The following XPO7 variants were observed in gnomAD, a reference collection of about 807,000 sequenced individuals.
XPO7 encodes exportin-7.
Under a neutral mutation model 144.3 loss-of-function variants are expected in XPO7, and 21 were observed. That is an observed-to-expected ratio of 0.15 (90% CI 0.10 to 0.21). XPO7 has a LOEUF of 0.21. XPO7 is among the 10% of genes least tolerant of loss of function. The probability of loss-of-function intolerance (pLI) is 1.00; values close to 1 mark genes in which losing one functional copy is unlikely to be tolerated. For synonymous variants in XPO7, 580 were observed against 499.6 expected (o/e 1.16, Z -2.15); for missense variants, 808 against 1,325.8 (o/e 0.61, Z 6.06).
intron 1 of XPO7, among the ~76,000 whole-genome samples, chr8:21,958,620 A>C (rs1585440864): frequency 6.6e-6 from 1 of 152,048 alleles, no homozygotes; most frequent in Non-Finnish European, 1.5e-5. Flanking sequence ...GAAAAAAAAA[A>C]AACCCGTAAA....
chr8:21,946,591 A>C (rs1454134350), intron 1 of XPO7, among the ~76,000 whole-genome samples: 1 of 150,648 alleles, frequency 6.6e-6, no homozygotes, highest in Non-Finnish European at 1.5e-5. Flanking sequence ...AAAAACAAAA[A>C]AAAAAAACAT....
chr8:21,941,338 G>A (rs549521349), intron 1 of XPO7, among the ~76,000 whole-genome samples: 5 of 152,020 alleles, frequency 3.3e-5, no homozygotes, highest in East Asian at 3.9e-4. Context: ...TTTTTTTAGA[G>A]ATGGGGTCTG....
chr8:21,991,014 C>T, intron 18 of XPO7, 95 bp downstream of exon 18: 2 of 1,145,550 alleles, frequency 1.7e-6, no homozygotes, highest in Non-Finnish European at 2.6e-6. Flanking sequence ...GAGGCCTTTT[C>T]TGTTTTTTCA....
At chr8:22,000,555 C>G (rs1813107210) in intron 24 of XPO7, among the ~76,000 whole-genome samples, 1 of 150,114 alleles carries the variant, frequency 6.7e-6, no homozygotes, top group African/African-American at 2.5e-5. Flanking sequence ...CGGGTTCATG[C>G]CATTCTTCTG....
chr8:21,969,678 T>C (rs1811989839), intron 3 of XPO7, 102 bp downstream of exon 3: 3 of 1,129,978 alleles, frequency 2.7e-6, no homozygotes, highest in Non-Finnish European at 3.8e-6. Context: ...ATGCTGAGAT[T>C]GCTAACCATA....
chr8:22,003,998 C>G lies in XPO7; in HGVS notation c.3138C>G (p.Ile1046Met). 1 of 1,613,744 alleles carries G rather than the reference C, an allele frequency of 6.2e-7. No individual in the cohort carries two copies. The highest frequency in any genetic ancestry group is 8.5e-7 in the Non-Finnish European group (1 of 1,179,822). Residue 1046 changes from isoleucine (I) to methionine (M), a missense_variant, in exon 27 of 28, where the codon ATC becomes ATG. Around this residue, in one of 5 missense-constraint regions of XPO7, gnomAD observed 140 missense variants for 237.9 expected, o/e 0.59. Transcript: ENST00000252512. ...HLCFENLMEGIERNLLTKNRD... is the reference protein window; with the variant it reads ...HLCFENLMEGMERNLLTKNRD... ...GTTTTGAGAACCTGATGGAAGGCAT[C>G]GAGCGAAATCTTCTTACGAAAAACA...
At chr8:21,990,730 T>C in intron 17 of XPO7, 81 bp from the exon 18 acceptor site, 1 of 1,359,824 alleles carries the variant, frequency 7.4e-7, no homozygotes, top group African/African-American at 1.4e-5. Context: ...TTGAAAGGGC[T>C]CAGTAATTCT....
Position 22,005,191 on chromosome 8 carries a change from T to C in XPO7, c.*103T>C. ...GGCCTGGCTGATCCTGGCTCTTTTCTCCAGGGGTGTGGGGAAAATGGCAAA... is the reference window on the plus strand; with the variant it reads ...GGCCTGGCTGATCCTGGCTCTTTTCCCCAGGGGTGTGGGGAAAATGGCAAA... On this transcript the variant is annotated 3_prime_UTR_variant, in exon 28 of 28. Coordinates refer to ENST00000252512, the MANE Select transcript of XPO7 (RefSeq NM_015024.5). 3 of 976,314 alleles carry C rather than the reference T, an allele frequency of 3.1e-6. No individual in the cohort carries two copies. Among genetic ancestry groups the C allele is most frequent in the Non-Finnish European group, 4.5e-6 (3 of 670,430 alleles). The allele number at this position is 976,314 out of a possible 1,614,324, so 60.5% of individuals were successfully genotyped here. A position where few individuals can be genotyped will look rare whatever the true frequency, so the allele number is the denominator to read the frequency against.
At chr8:21,951,952 C>A (rs1201570868) in intron 1 of XPO7, among the ~76,000 whole-genome samples, 5 of 152,144 alleles carry the variant, frequency 3.3e-5, no homozygotes, top group Non-Finnish European at 7.4e-5. Flanking sequence ...TTGGTGATAA[C>A]CAGCCCAGTC....
intron 1 of XPO7, among the ~76,000 whole-genome samples, chr8:21,923,835 C>T (rs1810372563): frequency 6.6e-6 from 1 of 152,124 alleles, no homozygotes; most frequent in Non-Finnish European, 1.5e-5. Context: ...GGGAAAGTTG[C>T]CAGTTTAAAC....
intron 1 of XPO7, among the ~76,000 whole-genome samples, chr8:21,923,670 G>A (rs1810366984): frequency 6.6e-6 from 1 of 152,090 alleles, no homozygotes; most frequent in Admixed American, 6.5e-5. Flanking sequence ...TTAGATGAAG[G>A]TATAGAAAGA....
At chr8:21,999,480 T>C in intron 23 of XPO7, 56 bp from the exon 24 acceptor site, 1 of 1,606,006 alleles carries the variant, frequency 6.2e-7, no homozygotes, top group Non-Finnish European at 8.5e-7. Context: ...ATCGTCTCCC[T>C]GCATGCTGGA....
At chr8:21,982,556 A>G (rs1812441212) in intron 10 of XPO7, 84 bp from the exon 11 acceptor site, 2 of 1,448,154 alleles carry the variant, frequency 1.4e-6, no homozygotes, top group Admixed American at 2.6e-5. Flanking sequence ...AAAAGAAAAA[A>G]GTCTTTATCT....
chr8:21,948,926 A>G (rs992629952), intron 1 of XPO7, among the ~76,000 whole-genome samples: 1 of 152,204 alleles, frequency 6.6e-6, no homozygotes, highest in Non-Finnish European at 1.5e-5. Context: ...TAAAGAGCAT[A>G]GCTACTGAAT....
chr8:21,925,128 A>G (rs1032642905), intron 1 of XPO7, among the ~76,000 whole-genome samples: 6 of 152,222 alleles, frequency 3.9e-5, no homozygotes, highest in Non-Finnish European at 5.9e-5. Context: ...GAATACATTC[A>G]TTCCTAACAT....
At chr8:21,957,008 G>T (rs1244086900) in intron 1 of XPO7, among the ~76,000 whole-genome samples, 1 of 152,192 alleles carries the variant, frequency 6.6e-6, no homozygotes, top group Non-Finnish European at 1.5e-5. Context: ...AGGCTTGTCT[G>T]CTGAGGCATC....
At chr8:21,971,374 T>C (rs919128166) in intron 4 of XPO7, among the ~76,000 whole-genome samples, 4 of 152,244 alleles carry the variant, frequency 2.6e-5, no homozygotes, top group African/African-American at 9.6e-5. Context: ...AACTTAATTT[T>C]TCTAATTTAA....
intron 17 of XPO7, 152 bp from the exon 18 acceptor site, chr8:21,990,659 G>A (rs1401402361): frequency 2.5e-6 from 2 of 785,960 alleles, no homozygotes; most frequent in Non-Finnish European, 4.0e-6. Flanking sequence ...GACAACGGTA[G>A]CCTGCCTTCA....
intron 7 of XPO7, 32 bp from the exon 8 acceptor site, chr8:21,977,738 A>AT: frequency 6.2e-7 from 1 of 1,607,908 alleles, no homozygotes; most frequent in Non-Finnish European, 8.5e-7. Flanking sequence ...CATACTTAAT[A>AT]AAGTGATGTC....
Sources: allele counts gnomAD v4.1 joint callset (sites outside exome capture counted in the v4.1 genomes callset), GRCh38; gene constraint gnomAD v4.1.1; regional missense constraint gnomAD v4.1.1; transcripts MANE v1.5; gene names NCBI Gene and HGNC (gene_info 2026-07-23, HGNC 2026-07-21).